The following PCDH11X variants were observed in gnomAD, a reference collection of about 807,000 sequenced individuals.
PCDH11X encodes protocadherin 11 X-linked.
PCDH11X carries 18 observed loss-of-function variants against 53.3 expected under a neutral mutation model. The observed-to-expected ratio is 0.34, with a 90% CI of 0.23 to 0.50. The LOEUF (loss-of-function observed/expected upper bound fraction) is 0.50, where lower values mean the gene tolerates loss of function less well. Ranked by LOEUF, PCDH11X falls within the 20% of genes least tolerant of loss-of-function variation. PCDH11X has a pLI of 0.98. For synonymous variants in PCDH11X, 279 were observed against 393.3 expected (o/e 0.71, Z 3.44); for missense variants, 570 against 1,032.4 (o/e 0.55, Z 6.14).
intron 6 of PCDH11X, among the ~76,000 whole-genome samples, chrX:92,126,658 A>G (rs1348853740): frequency 9.2e-6 from 1 of 109,228 alleles, no homozygotes. Flanking sequence ...TTTTAAAAAA[A>G]TCTCTTTTTT....
chrX:91,794,828 C>A (rs1396464681), intron 1 of PCDH11X, among the ~76,000 whole-genome samples: 2 of 109,469 alleles, frequency 1.8e-5, no homozygotes, highest in Non-Finnish European at 3.8e-5. Flanking sequence ...ATAATTCCCA[C>A]GTGTTGTGGG....
intron 6 of PCDH11X, among the ~76,000 whole-genome samples, chrX:91,911,912 T>C (rs1277248630): frequency 9.0e-6 from 1 of 111,326 alleles, no homozygotes; most frequent in Non-Finnish European, 1.9e-5. Flanking sequence ...CTTCAGTCCA[T>C]GAACATGGAG....
At chrX:91,862,053 C>G (rs1458179023) in intron 5 of PCDH11X, among the ~76,000 whole-genome samples, 15 of 109,981 alleles carry the variant, frequency 1.4e-4, no homozygotes, top group Non-Finnish European at 2.8e-4. Context: ...CCCGCCAACA[C>G]CCAGTTTTCT....
chrX:92,096,933 G>A (rs2064149771), intron 6 of PCDH11X, among the ~76,000 whole-genome samples: 2 of 111,328 alleles, frequency 1.8e-5, no homozygotes, highest in South Asian at 7.5e-4. Flanking sequence ...TGAATATATG[G>A]GAAAAGTTAG....
chrX:91,948,939 T>G, intron 6 of PCDH11X, among the ~76,000 whole-genome samples: 1 of 111,086 alleles, frequency 9.0e-6, no homozygotes. Context: ...TTCTTTAAAC[T>G]AATTTAGCAG....
At chrX:91,939,024 T>C (rs2061478433) in intron 6 of PCDH11X, among the ~76,000 whole-genome samples, 1 of 111,184 alleles carries the variant, frequency 9.0e-6, no homozygotes, top group Non-Finnish European at 1.9e-5. Context: ...TAAGCTATAA[T>C]GAGTAGAATA....
intron 8 of PCDH11X, among the ~76,000 whole-genome samples, chrX:92,364,618 C>T (rs1053119605): frequency 9.0e-6 from 1 of 110,600 alleles, no homozygotes; most frequent in African/African-American, 3.3e-5. Flanking sequence ...ATTTTTATTT[C>T]TTCAGTAATA....
chrX:91,924,678 T>C (rs911433875), intron 6 of PCDH11X, among the ~76,000 whole-genome samples: 52 of 111,868 alleles, frequency 4.6e-4, no homozygotes, highest in African/African-American at 1.6e-3. Flanking sequence ...CTAGAATCTA[T>C]TGCTGGCTTT....
At chrX:92,474,658 T>A (rs200213593) in intron 10 of PCDH11X, among the ~76,000 whole-genome samples, 14,546 of 91,386 alleles carry the variant, frequency 0.16, 1,500 homozygotes, top group Non-Finnish European at 0.24. Context: ...GCAAATACTA[T>A]CTTATAACCC....
intron 10 of PCDH11X, among the ~76,000 whole-genome samples, chrX:92,473,509 C>T (rs1319238112): frequency 2.7e-5 from 3 of 110,528 alleles, no homozygotes; most frequent in Non-Finnish European, 3.8e-5. Context: ...TTTGCTCTTG[C>T]TTTTCCTGTT....
intron 6 of PCDH11X, among the ~76,000 whole-genome samples, chrX:92,185,504 AGTATG>A (rs764714398): frequency 5.4e-5 from 6 of 111,702 alleles, no homozygotes; most frequent in Admixed American, 4.8e-4. Flanking sequence ...CAAAAATAGA[AGTATG>A]GGATTATAGC....
intron 10 of PCDH11X, chrX:92,515,586 G>C (rs1398723480): frequency 2.4e-5 from 3 of 122,844 alleles, no homozygotes; most frequent in African/African-American, 9.6e-5. Context: ...TACCGCTAAC[G>C]CATTACCAGT....
rs867931136 is a variant in PCDH11X, at chrX:91,822,459, C to T, written c.-45+11164C>T. 1.3e-4 allele frequency among the ~76,000 whole-genome samples: 15 copies of T among 111,250 alleles called. 1 individual carries two copies. Among genetic ancestry groups the T allele is most frequent in the South Asian group, 7.6e-4 (2 of 2,633 alleles). ...TCTTCTAGATTTTCTAGTTTATTTG[C>T]GCAGAGGTGTTTATAGTATTCTCTG... On this transcript the variant is annotated intron_variant, in intron 4 of 10. Transcript: ENST00000682573.
At chrX:92,283,009 G>A (rs1172080544) in intron 8 of PCDH11X, among the ~76,000 whole-genome samples, 1 of 110,793 alleles carries the variant, frequency 9.0e-6, no homozygotes, top group African/African-American at 3.3e-5. Context: ...CTCATGTCAT[G>A]TGCCAAGAAG....
intron 10 of PCDH11X, among the ~76,000 whole-genome samples, chrX:92,586,730 G>A (rs1924418686): frequency 1.8e-5 from 2 of 110,290 alleles, no homozygotes; most frequent in African/African-American, 3.3e-5. Context: ...TGTATCCTTT[G>A]GCTGCTCTGG....
intron 6 of PCDH11X, among the ~76,000 whole-genome samples, chrX:92,126,327 C>G (rs1474326015): frequency 1.8e-5 from 2 of 109,352 alleles, no homozygotes; most frequent in African/African-American, 6.7e-5. Context: ...AAAACGTTCT[C>G]TCCCCGGGAG....
rs190674087 is a variant in PCDH11X, at chrX:91,993,393, A to G, written c.3033+114120A>G. Among the ~76,000 whole-genome samples, 668 of 112,387 alleles carry G rather than the reference A, an allele frequency of 5.9e-3. 7 individuals are homozygous for G. Among genetic ancestry groups the G allele is most frequent in the African/African-American group, 0.021 (642 of 31,056 alleles). ...CTTTCAGCAGATGAACAGAAATTGG[A>G]AGAGTATATCCTTTATTAACTTTCT... is the stretch of plus-strand genomic sequence containing the variant. On this transcript the variant is annotated intron_variant, in intron 6 of 10. Coordinates refer to ENST00000682573, the MANE Select transcript of PCDH11X (RefSeq NM_032968.5).
At chrX:92,408,807 C>G (rs1305395926) in intron 9 of PCDH11X, among the ~76,000 whole-genome samples, 2 of 108,858 alleles carry the variant, frequency 1.8e-5, no homozygotes, top group East Asian at 2.9e-4. Context: ...CGGTCTCGAT[C>G]TCCTGACCTT....
At chrX:92,371,445 TG>T (rs2070621416) in intron 8 of PCDH11X, among the ~76,000 whole-genome samples, 1 of 100,064 alleles carries the variant, frequency 1.0e-5, no homozygotes, top group Non-Finnish European at 2.0e-5. Context: ...CTTTTAAATT[TG>T]TTTCCATTAT....
Sources: gnomAD v4.1 joint callset for allele counts (sites outside exome capture counted in the v4.1 genomes callset) on GRCh38, gnomAD v4.1.1 for gene constraint, MANE v1.5 for transcripts, NCBI Gene and HGNC (gene_info 2026-07-23, HGNC 2026-07-21) for gene names.